Variants in DEPDC1B observed in about 807,000 individuals in gnomAD.
DEPDC1B encodes the protein DEP domain containing 1B, also known as DEP domain-containing protein 1B.
In DEPDC1B, 51 loss-of-function variants were observed where a neutral mutation model predicts 66.5. That is an observed-to-expected ratio of 0.77 (90% CI 0.61 to 0.97). The LOEUF is 0.97. Among genes scored for constraint, DEPDC1B ranks in the 50% least tolerant of loss-of-function variants. The pLI, the probability that DEPDC1B is intolerant of heterozygous loss-of-function variation, is 0.00. For synonymous variants in DEPDC1B, 226 were observed against 223.6 expected, an observed-to-expected ratio of 1.01 and a Z score of -0.10; for missense variants, 552 against 637.1, an observed-to-expected ratio of 0.87 and a Z score of 1.44.
chr5:60,651,532 AAAAAAAAC>A (rs374227777), intron 2 of DEPDC1B, among the ~76,000 whole-genome samples: 16 of 147,836 alleles, frequency 1.1e-4, no homozygotes, highest in East Asian at 4.1e-4. Flanking sequence ...CTCCACCTAA[AAAAAAAAC>A]AAAAAAAACA....
chr5:60,665,193 C>T (rs1753810131), intron 2 of DEPDC1B, among the ~76,000 whole-genome samples: 1 of 152,080 alleles, frequency 6.6e-6, no homozygotes. Flanking sequence ...TGGCTAGCCA[C>T]CGAAGAAGAA....
At chr5:60,682,727 T>G (rs376245231) in intron 2 of DEPDC1B, among the ~76,000 whole-genome samples, 4 of 152,130 alleles carry the variant, frequency 2.6e-5, no homozygotes, top group African/African-American at 9.7e-5. Flanking sequence ...TAACTTACCA[T>G]GATTGAACCA....
At chr5:60,603,763 A>T (rs925488226) in intron 8 of DEPDC1B, among the ~76,000 whole-genome samples, 196 bp from the exon 9 acceptor site, 1 of 151,926 alleles carries the variant, frequency 6.6e-6, no homozygotes, top group Non-Finnish European at 1.5e-5. Context: ...TCCTGTTAAG[A>T]GACTGCAGAG....
intron 2 of DEPDC1B, among the ~76,000 whole-genome samples, chr5:60,676,554 C>T (rs1469921630): frequency 6.6e-6 from 1 of 152,194 alleles, no homozygotes; most frequent in Non-Finnish European, 1.5e-5. Flanking sequence ...CTCATGATTT[C>T]CTGACCTAAG....
chr5:60,663,129 G>A lies in DEPDC1B; in HGVS notation c.315-15596C>T, dbSNP rs149654961. Among the ~76,000 whole-genome samples the A allele has an allele frequency of 5.0e-4, 76 of 152,052 alleles. No homozygotes were observed. The East Asian group carries it at 0.014, about 28-fold the overall frequency. On this transcript the variant is annotated intron_variant, in intron 2 of 10. Transcript: ENST00000265036. ...CACCTGAACATAGGAAAAGAAACAC[G>A]TTTTTTTGTCCCCTACTTAAGGAAG...
chr5:60,644,353 A>G (rs1753260301), intron 5 of DEPDC1B, among the ~76,000 whole-genome samples: 1 of 152,220 alleles, frequency 6.6e-6, no homozygotes, highest in South Asian at 2.1e-4. Flanking sequence ...ATTCCAGAAA[A>G]TCTAACACAG....
At chr5:60,613,347 A>T (rs1369859261) in intron 7 of DEPDC1B, among the ~76,000 whole-genome samples, 1 of 152,204 alleles carries the variant, frequency 6.6e-6, no homozygotes, top group Non-Finnish European at 1.5e-5. Flanking sequence ...AATTTAGGGG[A>T]CAGGTCAACA....
intron 9 of DEPDC1B, among the ~76,000 whole-genome samples, chr5:60,600,630 G>T (rs1261865344): frequency 6.6e-6 from 1 of 152,166 alleles, no homozygotes; most frequent in African/African-American, 2.4e-5. Flanking sequence ...AGAGAGAAAA[G>T]GTAACTGGAC....
intron 2 of DEPDC1B, among the ~76,000 whole-genome samples, chr5:60,650,950 T>C (rs952274322): frequency 6.6e-6 from 1 of 152,146 alleles, no homozygotes; most frequent in Non-Finnish European, 1.5e-5. Context: ...CTCTTGAAAC[T>C]CTCACTCTTG....
Position 60,603,508 on chromosome 5 carries a change from C to T in DEPDC1B, c.1125G>A (p.Glu375=), listed in dbSNP as rs543555857. The change falls in exon 9 of 11, where the codon GAG becomes GAA. Residue 375 remains glutamate (E), a synonymous_variant. Coordinates refer to ENST00000265036, the MANE Select transcript of DEPDC1B (RefSeq NM_018369.3). ...LCSKDEVDLD[E]LLAARLVTFL... Reference sequence around the variant, plus strand: ...ACGTTACCAATCTAGCAGCTAATAACTCATCCAAGTCCACTTCATCCTTGG... The same window carrying T: ...ACGTTACCAATCTAGCAGCTAATAATTCATCCAAGTCCACTTCATCCTTGG... The T allele has an allele frequency of 6.2e-7, 1 of 1,610,968 alleles. No individual in the cohort carries two copies. The highest frequency in any genetic ancestry group is 1.7e-5 in the Admixed American group (1 of 59,060).
At chr5:60,635,678 C>G (rs1753028720) in intron 7 of DEPDC1B, among the ~76,000 whole-genome samples, 1 of 152,156 alleles carries the variant, frequency 6.6e-6, no homozygotes, top group Non-Finnish European at 1.5e-5. Flanking sequence ...GTTCACGCTC[C>G]TTGAACACTT....
At chr5:60,677,528 TTC>T (rs1355361161) in intron 2 of DEPDC1B, among the ~76,000 whole-genome samples, 2 of 152,078 alleles carry the variant, frequency 1.3e-5, no homozygotes, top group African/African-American at 2.4e-5. Context: ...TGTCATTTTT[TTC>T]TTTTTTATTT....
chr5:60,658,957 A>G (rs1014941497), intron 2 of DEPDC1B, among the ~76,000 whole-genome samples: 5 of 152,040 alleles, frequency 3.3e-5, no homozygotes, highest in Non-Finnish European at 7.4e-5. Flanking sequence ...TGTGCTTCTG[A>G]TCCAGCGAGA....
At chr5:60,687,267 ATTT>A in intron 1 of DEPDC1B, 40 bp from the exon 2 acceptor site, 1 of 1,563,488 alleles carries the variant, frequency 6.4e-7, no homozygotes, top group Non-Finnish European at 8.7e-7. Flanking sequence ...TAATCAACTG[ATTT>A]TTTTAAGATT....
At chr5:60,681,729 AT>A (rs978407081) in intron 2 of DEPDC1B, among the ~76,000 whole-genome samples, 2 of 152,190 alleles carry the variant, frequency 1.3e-5, no homozygotes, top group Non-Finnish European at 2.9e-5. Context: ...AAGATACAAA[AT>A]AACACAGACA....
chr5:60,641,081 T>C (rs1753180036), intron 6 of DEPDC1B, among the ~76,000 whole-genome samples: 1 of 152,196 alleles, frequency 6.6e-6, no homozygotes, highest in Non-Finnish European at 1.5e-5. Flanking sequence ...CCTAGTATCA[T>C]GCCACCTCAC....
intron 2 of DEPDC1B, among the ~76,000 whole-genome samples, chr5:60,660,369 A>G (rs1753686152): frequency 6.6e-6 from 1 of 151,962 alleles, no homozygotes; most frequent in African/African-American, 2.4e-5. Flanking sequence ...AAAAAAGTGT[A>G]CCCTATTCCT....
intron 10 of DEPDC1B, among the ~76,000 whole-genome samples, chr5:60,598,137 C>G (rs529162741): frequency 4.6e-5 from 7 of 152,206 alleles, no homozygotes; most frequent in Non-Finnish European, 8.8e-5. Context: ...CCCCCCACTG[C>G]CAACTATAAA....
At chr5:60,611,653 T>C (rs1018412697) in intron 7 of DEPDC1B, among the ~76,000 whole-genome samples, 19 of 152,196 alleles carry the variant, frequency 1.2e-4, no homozygotes, top group African/African-American at 4.3e-4. Context: ...GTGGCCTAGA[T>C]AGAAGATCCA....
Sources: gnomAD v4.1 joint callset for allele counts (sites outside exome capture counted in the v4.1 genomes callset) on GRCh38, gnomAD v4.1.1 for gene constraint, MANE v1.5 for transcripts, NCBI Gene and HGNC (gene_info 2026-07-23, HGNC 2026-07-21) for gene names.